Variants in ANKK1 observed in about 807,000 individuals in gnomAD.
ANKK1 encodes ankyrin repeat and protein kinase domain-containing protein 1.
A neutral mutation model predicts 37.6 loss-of-function variants in ANKK1; 37 were observed. The ratio of observed to expected loss-of-function variants is 0.98; its 90% CI spans 0.76 to 1.29. ANKK1 has a LOEUF of 1.29. ANKK1 is among the 50% of genes most tolerant of loss of function. The probability of loss-of-function intolerance (pLI) is 0.00; values close to 1 mark genes in which losing one functional copy is unlikely to be tolerated. For missense variants in ANKK1, 1,019 were observed against 990.6 expected, an observed-to-expected ratio of 1.03 and a Z score of -0.39; for synonymous variants, 415 against 418.7, an observed-to-expected ratio of 0.99 and a Z score of 0.11.
At chr11:113,397,093 C>G in intron 5 of ANKK1, 131 bp from the exon 6 acceptor site, 1 of 729,750 alleles carries the variant, frequency 1.4e-6, no homozygotes, top group Non-Finnish European at 2.2e-6. Context: ...CCTTCTCGTG[C>G]ATTTATATGA....
At position 113,399,041 on chromosome 11, in the gene ANKK1, A is replaced by G. The variant is rs1250023346; in HGVS notation, c.1072A>G (p.Ile358Val). ...GGTCCCGAGAGATGAGGAACTGTGT[A>G]TCTATGAGAACAAGGTCACCCCCCT... is the stretch of plus-strand genomic sequence containing the variant. ...NLVPRDEELCIYENKVTPLHF... is the reference protein window; with the variant it reads ...NLVPRDEELCVYENKVTPLHF... Residue 358 changes from isoleucine (I) to valine (V), a missense_variant, in exon 8 of 8, where the codon ATC (isoleucine) becomes GTC (valine). Transcript: ENST00000303941. The G allele has an allele frequency of 3.1e-6, 5 of 1,603,250 alleles. 1 individual carries two copies. In the East Asian group the frequency reaches 6.8e-5, roughly 22 times the overall value.
Position 113,397,352 on chromosome 11 carries a change from TG to T in ANKK1, c.957+13del. ...GCGCCAGCCCGGGGAGGTGAGTGTGTGGGCTGGGCAGTCCTTATGGTCATGC... is the reference window on the plus strand; with the variant it reads ...GCGCCAGCCCGGGGAGGTGAGTGTGTGGCTGGGCAGTCCTTATGGTCATGC... On this transcript the variant is annotated intron_variant, in intron 6 of 7. Transcript: ENST00000303941. 1 of 1,605,842 alleles carries T rather than the reference TG, an allele frequency of 6.2e-7. No individual in the cohort carries two copies.
At position 113,399,665 on chromosome 11, in the gene ANKK1, A is replaced by G. The variant is rs768460251; in HGVS notation, c.1696A>G (p.Thr566Ala). 7.5e-6 allele frequency: 12 copies of G among 1,600,646 alleles called. No individual in the cohort carries two copies. Among genetic ancestry groups the G allele is most frequent in the Non-Finnish European group, 1.0e-5 (12 of 1,174,016 alleles). ...CCAGAGCGGCTACGGCCCACTGCAC[A>G]CTGCAGCTGCCAGGGGCAAATACCT... The part of the protein sequence containing the change: ...LDQSGYGPLH[T>A]AAARGKYLIC... The change falls in exon 8 of 8, where the codon ACT (threonine) becomes GCT (alanine). Residue 566 changes from threonine (T) to alanine (A), a missense_variant. Coordinates refer to ENST00000303941, the MANE Select transcript of ANKK1 (RefSeq NM_178510.2).
rs140060656 is a variant in ANKK1, at chr11:113,397,467, A to G, written c.957+125A>G. ...GCCCAGCTTGGGGCCACCTCCATCC[A>G]GAGGGGACACATTTCCCTAATTTGC... On this transcript the variant is annotated intron_variant, in intron 6 of 7. Transcript: ENST00000303941. 241 of 719,768 alleles carry G rather than the reference A, an allele frequency of 3.3e-4. No homozygotes were observed. In the African/African-American group the frequency reaches 3.8e-3, roughly 11 times the overall value. 44.6% of individuals were successfully genotyped at this position (719,768 alleles called of 1,614,324 possible).
rs1247922191 is a variant in ANKK1, at chr11:113,387,877, GA to G, written c.-7del. 6.5e-7 allele frequency: 1 copy of G among 1,527,716 alleles called. No homozygotes were observed. The highest frequency in any genetic ancestry group is 8.8e-7 in the Non-Finnish European group (1 of 1,138,192). 94.6% of individuals were successfully genotyped at this position (1,527,716 alleles called of 1,614,324 possible). On this transcript the variant is annotated 5_prime_UTR_variant, in exon 1 of 8. Transcript: ENST00000303941. ...AGTGCGCGGCGCGGGGACAGGAAGA[GA>G]GGGGCAATGGCTGCCGACCCCACCG...
At chr11:113,395,980 TG>T (rs1950634555) in intron 4 of ANKK1, 86 bp from the exon 5 acceptor site, 6 of 1,502,012 alleles carry the variant, frequency 4.0e-6, no homozygotes, top group African/African-American at 1.4e-5. Flanking sequence ...CATGCCCTGT[TG>T]GGATCCTCAG....
chr11:113,400,106 G>C lies in ANKK1; in HGVS notation c.2137G>C (p.Glu713Gln). 6.2e-7 allele frequency: 1 copy of C among 1,612,686 alleles called. No homozygotes were observed. The highest frequency in any genetic ancestry group is 8.5e-7 in the Non-Finnish European group (1 of 1,179,552). ...CACAGCCATCCTCAAAGTGCTGGTC[G>C]AGGCAGGCGCCCAGCTGGACGTCCA... The part of the protein sequence containing the change: ...GNTAILKVLV[E>Q]AGAQLDVQDG... The change falls in exon 8 of 8, where the codon GAG becomes CAG. Residue 713 changes from glutamate (E) to glutamine (Q), a missense_variant. By Grantham distance (29) the Glu-to-Gln change is conservative. Coordinates refer to ENST00000303941, the MANE Select transcript of ANKK1 (RefSeq NM_178510.2).
intron 1 of ANKK1, among the ~76,000 whole-genome samples, chr11:113,390,788 C>T (rs1302235621): frequency 6.6e-6 from 1 of 150,960 alleles, no homozygotes; most frequent in Admixed American, 6.6e-5. Flanking sequence ...TGCATTCATT[C>T]CAAGCACTAC....
In ANKK1 at chr11:113,400,004, C is replaced by G; in HGVS notation, c.2035C>G (p.Leu679Val). Residue 679 changes from leucine (L) to valine (V), a missense_variant, in exon 8 of 8, where the codon CTA becomes GTA. Coordinates refer to ENST00000303941, the MANE Select transcript of ANKK1 (RefSeq NM_178510.2). ...CACCTTCCTGAGTGTCATCAACCTC[C>G]TAGAACATCACGCAAATGTCCACGC... ...RSTFLSVINL[L>V]EHHANVHARN... 1.2e-6 allele frequency: 2 copies of G among 1,613,562 alleles called. No homozygotes were observed. The highest frequency in any genetic ancestry group is 8.5e-7 in the Non-Finnish European group (1 of 1,179,826).
At chr11:113,395,984 A>G (rs1279008100) in intron 4 of ANKK1, 83 bp from the exon 5 acceptor site, 1 of 1,519,720 alleles carries the variant, frequency 6.6e-7, no homozygotes, top group East Asian at 2.3e-5. Context: ...CCCTGTTGGG[A>G]TCCTCAGAGC....
In ANKK1 at chr11:113,395,347, C is replaced by T. The variant is rs1950628995; in HGVS notation, c.633-12C>T. ...AACTAAGTCATTCAGAAAGGGTTCT[C>T]TGCATCCACAGCTTTGCAATTGTCA... On this transcript the variant is annotated splice_polypyrimidine_tract_variant and intron_variant, in intron 3 of 7. Transcript: ENST00000303941. The T allele has an allele frequency of 6.2e-7, 1 of 1,613,946 alleles. No homozygotes were observed. The highest frequency in any genetic ancestry group is 1.7e-5 in the Admixed American group (1 of 60,014).
At position 113,387,877 on chromosome 11, in the gene ANKK1, G is replaced by C; in HGVS notation, c.-8G>C. ...AGTGCGCGGCGCGGGGACAGGAAGA[G>C]AGGGGCAATGGCTGCCGACCCCACC... On this transcript the variant is annotated 5_prime_UTR_variant, in exon 1 of 8. Coordinates refer to ENST00000303941, the MANE Select transcript of ANKK1 (RefSeq NM_178510.2). 1 of 1,527,716 alleles carries C rather than the reference G, an allele frequency of 6.5e-7. No homozygotes were observed. Among genetic ancestry groups the C allele is most frequent in the Non-Finnish European group, 8.8e-7 (1 of 1,138,192 alleles). The allele number at this position is 1,527,716 out of a possible 1,614,324, so 94.6% of individuals were successfully genotyped here.
chr11:113,388,175 G>A, intron 1 of ANKK1, 106 bp downstream of exon 1: 2 of 1,348,206 alleles, frequency 1.5e-6, no homozygotes, highest in South Asian at 1.6e-5. Flanking sequence ...TTGGGGCTGA[G>A]GACTGTCCCC....
chr11:113,391,462 A>G (rs757361955), intron 1 of ANKK1, among the ~76,000 whole-genome samples: 2 of 152,136 alleles, frequency 1.3e-5, no homozygotes, highest in Admixed American at 6.5e-5. Flanking sequence ...ACAGAGTCCA[A>G]TTAGGAGGCT....
chr11:113,396,182 C>T lies in ANKK1; in HGVS notation c.798C>T (p.Arg266=), dbSNP rs1196755594. The change falls in exon 5 of 8, where the codon CGC becomes CGT. Residue 266 remains arginine, a synonymous_variant. Coordinates refer to ENST00000303941, the MANE Select transcript of ANKK1 (RefSeq NM_178510.2). ...EAQQMVDLMK[R]CWDQDPKKRP... is the part of the protein sequence containing the mutation. ...AGCAGATGGTGGACCTGATGAAACGCTGCTGGGACCAGGACCCCAAGAAGA... is the reference window on the plus strand; with the variant it reads ...AGCAGATGGTGGACCTGATGAAACGTTGCTGGGACCAGGACCCCAAGAAGA... 1.2e-6 allele frequency: 2 copies of T among 1,614,000 alleles called. No individual in the cohort carries two copies. Among genetic ancestry groups the T allele is most frequent in the Middle Eastern group, 3.3e-4 (2 of 6,062 alleles).
At position 113,393,466 on chromosome 11, in the gene ANKK1, T is replaced by C. The variant is rs1565649802; in HGVS notation, c.186-15T>C. On this transcript the variant is annotated splice_polypyrimidine_tract_variant and intron_variant, in intron 1 of 7. Transcript: ENST00000303941. ...TGGGTCACCCCCTTCCATATCTTGC[T>C]CCCCCTCTCCATAGCTCTGATGTGA... The C allele has an allele frequency of 6.2e-7, 1 of 1,601,014 alleles. No homozygotes were observed. Among genetic ancestry groups the C allele is most frequent in the Admixed American group, 1.7e-5 (1 of 59,386 alleles).
chr11:113,400,060 C>G lies in ANKK1; in HGVS notation c.2091C>G (p.His697Gln), dbSNP rs1950689740. ...ACAAGGTGGGCTGGACACCCGCCCA[C>G]CTGGCCGCCCTCAAGGGCAACACAG... ...ARNKVGWTPAHLAALKGNTAI... is the reference protein window; with the variant it reads ...ARNKVGWTPAQLAALKGNTAI... Residue 697 changes from histidine (H) to glutamine (Q), a missense_variant, in exon 8 of 8, where the codon CAC (histidine) becomes CAG (glutamine). Physicochemically the swap from His to Gln is conservative, Grantham distance 24. Coordinates refer to ENST00000303941, the MANE Select transcript of ANKK1 (RefSeq NM_178510.2). The G allele has an allele frequency of 1.2e-6, 2 of 1,613,552 alleles. No homozygotes were observed. Among genetic ancestry groups the G allele is most frequent in the South Asian group, 1.1e-5 (1 of 91,082 alleles).
rs1401762836 is a variant in ANKK1 at position 113,400,017 on chromosome 11, C to T, written c.2048C>T (p.Ala683Val). The T allele has an allele frequency of 2.5e-6, 4 of 1,613,464 alleles. No homozygotes were observed. The highest frequency in any genetic ancestry group is 1.1e-5 in the South Asian group (1 of 91,078). The change falls in exon 8 of 8, where the codon GCA becomes GTA. Residue 683 changes from alanine (A) to valine (V), a missense_variant. By Grantham distance (64) the Ala-to-Val change is moderately conservative. Coordinates refer to ENST00000303941, the MANE Select transcript of ANKK1 (RefSeq NM_178510.2). ...GTCATCAACCTCCTAGAACATCACG[C>T]AAATGTCCACGCCCGCAACAAGGTG... ...LSVINLLEHH[A>V]NVHARNKVGW...
rs17115457 is a variant in ANKK1, at chr11:113,399,130, C to T, written c.1161C>T (p.Asp387=). The change falls in exon 8 of 8, where the codon GAC becomes GAT. Residue 387 remains aspartate (D), a synonymous_variant. Coordinates refer to ENST00000303941, the MANE Select transcript of ANKK1 (RefSeq NM_178510.2). ...GGTTGCTGCTGGCCCACGAGGTAGA[C>T]GTGGACTGCCAGACGGCCTCTGGAT... The part of the protein sequence containing the change: ...QVRLLLAHEV[D]VDCQTASGYT... 1.5e-3 allele frequency: 2,398 copies of T among 1,594,256 alleles called. 44 individuals are homozygous for T. The African/African-American group carries it at 0.028, about 19-fold the overall frequency.
Sources: allele counts gnomAD v4.1 joint callset (sites outside exome capture counted in the v4.1 genomes callset), GRCh38; gene constraint gnomAD v4.1.1; transcripts MANE v1.5; gene names NCBI Gene and HGNC (gene_info 2026-07-23, HGNC 2026-07-21).